The following RBFOX1 variants were observed in gnomAD, a reference collection of about 807,000 sequenced individuals.
The protein encoded by RBFOX1 is RNA binding fox-1 homolog 1.
A neutral mutation model predicts 57.7 loss-of-function variants in RBFOX1; 8 were observed. That is an observed-to-expected ratio of 0.14 (90% CI 0.08 to 0.25). RBFOX1 has a LOEUF of 0.25. RBFOX1 is among the 10% of genes least tolerant of loss of function. The pLI, the probability that RBFOX1 is intolerant of heterozygous loss-of-function variation, is 1.00. For synonymous variants in RBFOX1, 326 were observed against 222.4 expected (o/e 1.47, Z -4.15); for missense variants, 611 against 548.5 (o/e 1.11, Z -1.14).
chr16:6,376,170 C>G lies in RBFOX1; in HGVS notation c.-64+59113C>G, dbSNP rs1290308422. Among the ~76,000 whole-genome samples, 3 of 152,152 alleles carry G rather than the reference C, an allele frequency of 2.0e-5. No individual in the cohort carries two copies. In the East Asian group the frequency reaches 5.8e-4, roughly 29 times the overall value. ...CATATCAATATCTGTGATTCTTTGA[C>G]TGTTCTCTCTTTCCCCTAGACTCCA... On this transcript the variant is annotated intron_variant, in intron 2 of 15. Transcript: ENST00000550418.
intron 4 of RBFOX1, among the ~76,000 whole-genome samples, chr16:5,991,545 G>A (rs1204203719): frequency 6.6e-6 from 1 of 152,160 alleles, no homozygotes; most frequent in Non-Finnish European, 1.5e-5. Flanking sequence ...TGGCTGGATA[G>A]GAGCTGGGAG....
At chr16:6,107,025 A>G (rs1186288013) in intron 1 of RBFOX1, among the ~76,000 whole-genome samples, 1 of 152,158 alleles carries the variant, frequency 6.6e-6, no homozygotes, top group Non-Finnish European at 1.5e-5. Context: ...GCCATTTAGA[A>G]CATTCGAGTG....
intron 3 of RBFOX1, among the ~76,000 whole-genome samples, chr16:6,656,901 A>T (rs1177920614): frequency 0.025 from 844 of 34,290 alleles, 2 homozygotes; most frequent in Middle Eastern, 0.083. Context: ...TCCTCCCCTC[A>T]ACTCTCCTCT....
intron 3 of RBFOX1, among the ~76,000 whole-genome samples, chr16:5,740,818 A>C (rs754502214): frequency 6.6e-6 from 1 of 152,066 alleles, no homozygotes; most frequent in African/African-American, 2.4e-5. Context: ...TAGTTTTAGT[A>C]TGTCTTGTGG....
At chr16:5,517,483 G>C (rs2043834466) in intron 2 of RBFOX1, among the ~76,000 whole-genome samples, 1 of 152,142 alleles carries the variant, frequency 6.6e-6, no homozygotes, top group African/African-American at 2.4e-5. Flanking sequence ...GTCTCTGAAT[G>C]TACTAATTCT....
chr16:6,490,149 G>A (rs1024006445), intron 2 of RBFOX1, among the ~76,000 whole-genome samples: 6 of 151,976 alleles, frequency 3.9e-5, no homozygotes, highest in Non-Finnish European at 7.4e-5. Context: ...AGTCTCAGTT[G>A]GGTTTTTAGT....
rs116133319 is a variant in RBFOX1, at chr16:5,982,081, A to G, written c.351+114746A>G. The stretch of plus-strand genomic sequence containing the variant: ...CTCTGCTCCAGATCCAGCAGTTGCC[A>G]TCTCATGGGGCACAGGGCCAGAAGC... On this transcript the variant is annotated intron_variant, in intron 4 of 19. Coordinates refer to the RBFOX1 transcript ENST00000641259. Among the ~76,000 whole-genome samples, 1,441 of 152,264 alleles carry G rather than the reference A, an allele frequency of 9.5e-3. 27 individuals are homozygous for G. The highest frequency in any genetic ancestry group is 0.031 in the African/African-American group (1,309 of 41,560).
chr16:6,254,368 AAG>A (rs1350214485), intron 1 of RBFOX1, among the ~76,000 whole-genome samples: 1 of 152,216 alleles, frequency 6.6e-6, no homozygotes, highest in Non-Finnish European at 1.5e-5. Context: ...AGAATCATTA[AAG>A]AGAATTTACG....
chr16:6,506,573 C>G (rs1247417208), intron 2 of RBFOX1, among the ~76,000 whole-genome samples: 2 of 149,522 alleles, frequency 1.3e-5, no homozygotes, highest in African/African-American at 5.0e-5. Flanking sequence ...CTAGACTCAC[C>G]TTTGATGTTG....
At chr16:5,955,152 C>T (rs969831487) in intron 4 of RBFOX1, among the ~76,000 whole-genome samples, 3 of 52,390 alleles carry the variant, frequency 5.7e-5, no homozygotes, top group African/African-American at 1.8e-4. Flanking sequence ...AAAAGCCAGG[C>T]GCACCTGTAG....
chr16:6,733,067 G>A (rs1002449109), intron 3 of RBFOX1, among the ~76,000 whole-genome samples: 1 of 152,044 alleles, frequency 6.6e-6, no homozygotes, highest in African/African-American at 2.4e-5. Flanking sequence ...AACATCTAGG[G>A]CTCCCTCTTA....
chr16:7,466,346 T>TC (rs397725897), intron 4 of RBFOX1, among the ~76,000 whole-genome samples: 1 of 151,702 alleles, frequency 6.6e-6, no homozygotes, highest in Non-Finnish European at 1.5e-5. Context: ...AATGCTTATT[T>TC]CATGCCAAGC....
chr16:7,457,741 C>T (rs71374949), intron 4 of RBFOX1, among the ~76,000 whole-genome samples: 3,550 of 152,160 alleles, frequency 0.023, 49 homozygotes, highest in Non-Finnish European at 0.038. Flanking sequence ...CATCTAAAAA[C>T]GTTTATCTTC....
At chr16:5,349,685 A>C (rs2065220350) in intron 1 of RBFOX1, among the ~76,000 whole-genome samples, 1 of 152,134 alleles carries the variant, frequency 6.6e-6, no homozygotes, top group South Asian at 2.1e-4. Flanking sequence ...AGAAAAAAAA[A>C]ACTTGTCAAG....
At chr16:7,155,738 T>TATATATATATACAC (rs1364155897) in intron 4 of RBFOX1, among the ~76,000 whole-genome samples, 1 of 75,528 alleles carries the variant, frequency 1.3e-5, no homozygotes, top group African/African-American at 6.1e-5. Flanking sequence ...TATATATATA[T>TATATATATATACAC]ACACACACAC....
At chr16:6,899,183 ATG>A (rs751208007) in intron 3 of RBFOX1, among the ~76,000 whole-genome samples, 28 of 103,050 alleles carry the variant, frequency 2.7e-4, no homozygotes, top group Non-Finnish European at 3.8e-4. Flanking sequence ...TGTGTATAAT[ATG>A]TGTGTGAGTG....
chr16:7,563,552 C>T (rs2090947821), intron 5 of RBFOX1, among the ~76,000 whole-genome samples: 1 of 152,214 alleles, frequency 6.6e-6, no homozygotes, highest in African/African-American at 2.4e-5. Context: ...ACTGCAACCT[C>T]TGCCTCCCGG....
At chr16:5,534,470 G>A (rs377581731) in intron 2 of RBFOX1, among the ~76,000 whole-genome samples, 1 of 152,188 alleles carries the variant, frequency 6.6e-6, no homozygotes, top group Non-Finnish European at 1.5e-5. Context: ...GAAGGTGCGA[G>A]AGACCCCAGC....
intron 3 of RBFOX1, among the ~76,000 whole-genome samples, chr16:7,006,314 C>T (rs561839103): frequency 6.6e-6 from 1 of 152,136 alleles, no homozygotes; most frequent in South Asian, 2.1e-4. Flanking sequence ...ACCAGTATAC[C>T]CAGCTAATTT....
Sources: gnomAD v4.1 joint callset for allele counts (sites outside exome capture counted in the v4.1 genomes callset) on GRCh38, gnomAD v4.1.1 for gene constraint, MANE v1.5 for transcripts, NCBI Gene and HGNC (gene_info 2026-07-23, HGNC 2026-07-21) for gene names.